Variants in GLRA2 observed in about 807,000 individuals in gnomAD.
The protein encoded by GLRA2 is glycine receptor alpha 2.
Under a neutral mutation model 31.6 loss-of-function variants are expected in GLRA2, and 11 were observed. The ratio of observed to expected loss-of-function variants is 0.35; its 90% CI spans 0.22 to 0.58. The LOEUF (loss-of-function observed/expected upper bound fraction) is 0.58. Ranked by LOEUF, GLRA2 falls within the 20% of genes least tolerant of loss-of-function variation. The probability of loss-of-function intolerance (pLI) is 0.84; values close to 1 mark genes in which losing one functional copy is unlikely to be tolerated. For synonymous variants in GLRA2, 132 were observed against 134.0 expected (o/e 0.99, Z 0.10); for missense variants, 212 against 351.8 (o/e 0.60, Z 3.18).
chrX:14,536,441 T>C (rs1322544557), intron 2 of GLRA2, among the ~76,000 whole-genome samples: 2 of 112,061 alleles, frequency 1.8e-5, no homozygotes, highest in African/African-American at 6.5e-5. Flanking sequence ...CTGGTTGGCA[T>C]CAGACATTAC....
intron 2 of GLRA2, among the ~76,000 whole-genome samples, chrX:14,534,450 C>T (rs904801010): frequency 2.7e-5 from 3 of 110,108 alleles, no homozygotes; most frequent in Non-Finnish European, 5.7e-5. Context: ...TCCCAAAGTT[C>T]TCTTCATTTG....
At chrX:14,619,985 C>G (rs1219031545) in intron 7 of GLRA2, among the ~76,000 whole-genome samples, 1 of 100,154 alleles carries the variant, frequency 1.0e-5, no homozygotes, top group Non-Finnish European at 2.0e-5. Context: ...GGGAACCTAC[C>G]TAGCCAGGCG....
chrX:14,471,387 G>T, the GLRA2 span, among the ~76,000 whole-genome samples: 2 of 111,573 alleles, frequency 1.8e-5, no homozygotes, highest in South Asian at 7.5e-4. Flanking sequence ...TTAAGAACTA[G>T]CTGTGACAAC....
chrX:14,495,196 T>C, the GLRA2 span, among the ~76,000 whole-genome samples: 1 of 111,511 alleles, frequency 9.0e-6, no homozygotes, highest in Non-Finnish European at 1.9e-5. Context: ...GAGTTTTCAA[T>C]GTAATGTAGT....
At chrX:14,593,733 T>C (rs1015238317) in intron 4 of GLRA2, among the ~76,000 whole-genome samples, 5 of 112,849 alleles carry the variant, frequency 4.4e-5, no homozygotes, top group Non-Finnish European at 9.4e-5. Flanking sequence ...GAGTTGGCTG[T>C]AGGATAAAAG....
the GLRA2 span, among the ~76,000 whole-genome samples, chrX:14,473,993 G>C: frequency 9.0e-6 from 1 of 111,290 alleles, no homozygotes; most frequent in Non-Finnish European, 1.9e-5. Context: ...CAGGGATCCA[G>C]ATTGATAATG....
intron 7 of GLRA2, among the ~76,000 whole-genome samples, chrX:14,654,856 G>A (rs2090924498): frequency 1.8e-5 from 2 of 111,675 alleles, no homozygotes; most frequent in African/African-American, 6.5e-5. Context: ...TAGGTGAAAG[G>A]CACATCTCAC....
At chrX:14,532,127 A>C (rs2146998935) in intron 1 of GLRA2, 112 bp from the exon 2 acceptor site, 1 of 496,508 alleles carries the variant, frequency 2.0e-6, no homozygotes, top group East Asian at 4.3e-5. Context: ...AGTTTTCTTC[A>C]TACTAACATA....
At chrX:14,634,528 C>T (rs916069131) in intron 7 of GLRA2, among the ~76,000 whole-genome samples, 2 of 111,701 alleles carry the variant, frequency 1.8e-5, no homozygotes, top group African/African-American at 6.5e-5. Flanking sequence ...GTTATTTTTG[C>T]ACTTCTGTTT....
At chrX:14,641,074 G>A (rs1295310107) in intron 7 of GLRA2, among the ~76,000 whole-genome samples, 2 of 111,258 alleles carry the variant, frequency 1.8e-5, no homozygotes, top group East Asian at 5.6e-4. Flanking sequence ...TTCAGATGAC[G>A]TTTAGTGGTA....
intron 7 of GLRA2, among the ~76,000 whole-genome samples, chrX:14,655,611 T>C (rs191168423): frequency 8.9e-6 from 1 of 111,849 alleles, no homozygotes; most frequent in East Asian, 2.8e-4. Context: ...CCTAGAGAAA[T>C]GTGAAGTTGG....
chrX:14,532,994 A>G lies in GLRA2; in HGVS notation c.202+622A>G, dbSNP rs539326658. Among the ~76,000 whole-genome samples, 6 of 111,699 alleles carry G rather than the reference A, an allele frequency of 5.4e-5. No homozygotes were observed. The South Asian group carries it at 2.2e-3, about 41-fold the overall frequency. ...TCTTTGTTCAATTAGAAGCAAACCA[A>G]TATTTTTTGTTTTTATTTGTTGAAC... On this transcript the variant is annotated intron_variant, in intron 2 of 8. Coordinates refer to ENST00000218075, the MANE Select transcript of GLRA2 (RefSeq NM_002063.4).
chrX:14,526,848 G>A (rs1261949184), upstream of GLRA2, among the ~76,000 whole-genome samples: 2 of 111,432 alleles, frequency 1.8e-5, no homozygotes, highest in Non-Finnish European at 3.8e-5. Flanking sequence ...TTTTCTAAGC[G>A]AGTGTACTGC....
chrX:14,490,390 G>A, the GLRA2 span, among the ~76,000 whole-genome samples: 1 of 112,193 alleles, frequency 8.9e-6, no homozygotes, highest in South Asian at 3.7e-4. Flanking sequence ...GAGATAAGAT[G>A]CAATGAGTAA....
At chrX:14,707,573 C>CACCCTCT (rs2091643208) in intron 8 of GLRA2, among the ~76,000 whole-genome samples, 1 of 74,762 alleles carries the variant, frequency 1.3e-5, no homozygotes, top group Admixed American at 1.9e-4. Context: ...CCCCACCCTC[C>CACCCTCT]ACCCTCTAAA....
In GLRA2 at chrX:14,554,972, T is replaced by C. The variant is rs1013002609; in HGVS notation, c.203-19361T>C. 9.9e-5 allele frequency among the ~76,000 whole-genome samples: 11 copies of C among 111,326 alleles called. No homozygotes were observed. The South Asian group carries it at 4.2e-3, about 42-fold the overall frequency. ...ACTGAAAGGTATGCTGTATGGACAA[T>C]GTATAGTTTTTTACTGAAGCATAAT... On this transcript the variant is annotated intron_variant, in intron 2 of 8. Transcript: ENST00000218075.
the GLRA2 span, among the ~76,000 whole-genome samples, chrX:14,498,433 C>G: frequency 2.7e-5 from 3 of 110,334 alleles, no homozygotes; most frequent in African/African-American, 9.8e-5. Context: ...AAACTATACC[C>G]CTTGATAGAA....
intron 2 of GLRA2, among the ~76,000 whole-genome samples, chrX:14,569,779 AG>A (rs1440193844): frequency 8.9e-6 from 1 of 112,513 alleles, no homozygotes. Context: ...AATTAAAAGC[AG>A]GGACTCAAAC....
chrX:14,654,002 A>G (rs1037655292), intron 7 of GLRA2, among the ~76,000 whole-genome samples: 6 of 111,650 alleles, frequency 5.4e-5, no homozygotes, highest in Non-Finnish European at 9.4e-5. Flanking sequence ...GTGTGCCCCT[A>G]TATTCCTAGC....
Sources: allele counts gnomAD v4.1 joint callset (sites outside exome capture counted in the v4.1 genomes callset), GRCh38; gene constraint gnomAD v4.1.1; transcripts MANE v1.5; gene names NCBI Gene and HGNC (gene_info 2026-07-23, HGNC 2026-07-21).